The following TENM2 variants were observed in gnomAD, a reference collection of about 807,000 sequenced individuals.
TENM2 encodes the protein teneurin transmembrane protein 2, also known as teneurin-2.
In TENM2, 52 loss-of-function variants were observed where a neutral mutation model predicts 245.2. That is an observed-to-expected ratio of 0.21 (90% CI 0.17 to 0.27). The LOEUF (loss-of-function observed/expected upper bound fraction) is 0.27, where lower values mean the gene tolerates loss of function less well. TENM2 is among the 10% of genes least tolerant of loss of function. The probability of loss-of-function intolerance (pLI) is 1.00; values close to 1 mark genes in which losing one functional copy is unlikely to be tolerated. For missense variants in TENM2, 3,046 were observed against 3,666.8 expected (o/e 0.83, Z 4.37); for synonymous variants, 1,363 against 1,438.9 (o/e 0.95, Z 1.19).
the TENM2 span, among the ~76,000 whole-genome samples, chr5:167,115,357 C>T: frequency 6.6e-6 from 1 of 152,144 alleles, no homozygotes; most frequent in East Asian, 1.9e-4. Flanking sequence ...AAAAGATTGG[C>T]TCCTCACTGC....
chr5:167,789,963 T>G (rs1293619084), intron 2 of TENM2, among the ~76,000 whole-genome samples: 1 of 152,202 alleles, frequency 6.6e-6, no homozygotes, highest in East Asian at 1.9e-4. Context: ...TACTTTACCA[T>G]TTTAAACAGG....
chr5:167,381,257 T>C (rs1295432497), intron 2 of TENM2, among the ~76,000 whole-genome samples: 1 of 152,166 alleles, frequency 6.6e-6, no homozygotes, highest in Non-Finnish European at 1.5e-5. Context: ...ACTAAAAATG[T>C]TACTTGTGAT....
chr5:167,904,162 G>T (rs1006102025), intron 3 of TENM2, among the ~76,000 whole-genome samples: 1 of 152,154 alleles, frequency 6.6e-6, no homozygotes, highest in East Asian at 1.9e-4. Flanking sequence ...ATAGAAAATT[G>T]TTTCCCCTAA....
chr5:167,824,414 G>A (rs1436995327), intron 2 of TENM2, among the ~76,000 whole-genome samples: 1 of 152,116 alleles, frequency 6.6e-6, no homozygotes, highest in African/African-American at 2.4e-5. Context: ...TGGGTGCAGG[G>A]GAGAGAGCTG....
chr5:167,817,168 G>A (rs1057389802), intron 2 of TENM2, among the ~76,000 whole-genome samples: 1 of 152,162 alleles, frequency 6.6e-6, no homozygotes, highest in Admixed American at 6.5e-5. Flanking sequence ...ATTGAGAAAA[G>A]GATCTTAATG....
chr5:167,014,261 A>G, the TENM2 span, among the ~76,000 whole-genome samples: 1 of 151,694 alleles, frequency 6.6e-6, no homozygotes, highest in African/African-American at 2.4e-5. Flanking sequence ...GAGAAAAGTA[A>G]AATACGACAT....
At chr5:167,858,730 C>T (rs960542936) in intron 2 of TENM2, among the ~76,000 whole-genome samples, 194 of 150,978 alleles carry the variant, frequency 1.3e-3, no homozygotes, top group Non-Finnish European at 2.5e-3. Flanking sequence ...CGACCGACCG[C>T]AGCCGCCGCC....
chr5:168,237,605 C>G (rs1263355801), intron 25 of TENM2, among the ~76,000 whole-genome samples: 1 of 152,134 alleles, frequency 6.6e-6, no homozygotes. Flanking sequence ...GCCACTCAAA[C>G]TCGGGTCTTT....
intron 25 of TENM2, among the ~76,000 whole-genome samples, chr5:168,233,281 G>A (rs367830574): frequency 1.5e-3 from 223 of 152,196 alleles, no homozygotes; most frequent in Middle Eastern, 6.8e-3. Flanking sequence ...AGCCAAGATC[G>A]TGCCACTGCA....
intron 2 of TENM2, among the ~76,000 whole-genome samples, chr5:167,442,583 G>C (rs1385756683): frequency 6.7e-6 from 1 of 149,370 alleles, no homozygotes; most frequent in East Asian, 2.0e-4. Flanking sequence ...AATTTTATCA[G>C]AAAAAAAAAA....
intron 2 of TENM2, among the ~76,000 whole-genome samples, chr5:167,750,195 A>G (rs1409326197): frequency 6.6e-6 from 1 of 152,122 alleles, no homozygotes; most frequent in Non-Finnish European, 1.5e-5. Flanking sequence ...ACAGTAGAGG[A>G]GCTGGCACAC....
At chr5:167,443,279 T>C (rs867284351) in intron 2 of TENM2, among the ~76,000 whole-genome samples, 8 of 152,280 alleles carry the variant, frequency 5.3e-5, no homozygotes, top group Admixed American at 2.6e-4. Context: ...CTAGTAGTGG[T>C]TGGCAAATTA....
intron 2 of TENM2, among the ~76,000 whole-genome samples, chr5:167,696,417 A>G (rs1757770993): frequency 1.3e-5 from 2 of 152,334 alleles, no homozygotes; most frequent in South Asian, 4.1e-4. Context: ...GCATAGAACA[A>G]TAGTAGTTCC....
intron 2 of TENM2, among the ~76,000 whole-genome samples, chr5:167,384,242 A>G (rs542970035): frequency 1.3e-5 from 2 of 152,176 alleles, no homozygotes; most frequent in South Asian, 2.1e-4. Context: ...CTCAATAGGG[A>G]GAGAAGAAAA....
intron 2 of TENM2, among the ~76,000 whole-genome samples, chr5:167,476,749 C>A (rs909173083): frequency 4.6e-5 from 7 of 152,114 alleles, no homozygotes; most frequent in Non-Finnish European, 1.0e-4. Context: ...CAGGCACCTG[C>A]TGTCACGCCC....
chr5:167,914,416 C>G (rs930704250), intron 3 of TENM2, among the ~76,000 whole-genome samples: 2 of 152,146 alleles, frequency 1.3e-5, no homozygotes, highest in African/African-American at 4.8e-5. Context: ...TCTCATGCTC[C>G]TGTCTCTCTG....
intron 10 of TENM2, among the ~76,000 whole-genome samples, chr5:168,120,273 C>T (rs930640993): frequency 4.6e-5 from 7 of 152,174 alleles, no homozygotes; most frequent in Non-Finnish European, 1.0e-4. Context: ...GGTAGCCTCC[C>T]TATGTCTGCA....
At chr5:167,743,274 T>C (rs1449289129) in intron 2 of TENM2, among the ~76,000 whole-genome samples, 1 of 152,082 alleles carries the variant, frequency 6.6e-6, no homozygotes, top group Non-Finnish European at 1.5e-5. Flanking sequence ...ATCAAAAAGC[T>C]TTAAAGCTGC....
chr5:167,424,738 C>A (rs181280495), intron 2 of TENM2, among the ~76,000 whole-genome samples: 1 of 151,474 alleles, frequency 6.6e-6, no homozygotes, highest in East Asian at 1.9e-4. Flanking sequence ...TGGTATTTTA[C>A]GTGAAAAAAA....
Sources: allele counts gnomAD v4.1 joint callset (sites outside exome capture counted in the v4.1 genomes callset), GRCh38; gene constraint gnomAD v4.1.1; transcripts MANE v1.5; gene names NCBI Gene and HGNC (gene_info 2026-07-23, HGNC 2026-07-21).